Variants in APP observed in about 807,000 individuals in gnomAD.
APP encodes the protein amyloid-beta precursor protein.
In APP, 31 loss-of-function variants were observed where a neutral mutation model predicts 101.4. The observed-to-expected ratio is 0.31, with a 90% confidence interval of 0.23 to 0.41. APP has a LOEUF of 0.41. APP is among the 10% of genes least tolerant of loss of function. The pLI, the probability that APP is intolerant of heterozygous loss-of-function variation, is 1.00. For synonymous variants in APP, 366 were observed against 364.4 expected (o/e 1.00, Z -0.05); for missense variants, 839 against 1,003.7 (o/e 0.84, Z 2.22).
intron 1 of APP, among the ~76,000 whole-genome samples, chr21:26,151,104 A>C (rs920198930): frequency 6.6e-6 from 1 of 152,240 alleles, no homozygotes; most frequent in African/African-American, 2.4e-5. Context: ...GAAGATAAAT[A>C]CCGTCTCTTT....
At chr21:25,982,100 A>G (rs1417170808) in intron 9 of APP, among the ~76,000 whole-genome samples, 1 of 152,236 alleles carries the variant, frequency 6.6e-6, no homozygotes, top group Non-Finnish European at 1.5e-5. Context: ...GCCAGAGAGA[A>G]TGTTACAGAC....
rs558575215 is a variant in APP at position 25,997,081 on chromosome 21, A to G, written c.1090+279T>C. On this transcript the variant is annotated intron_variant, in intron 8 of 17. Transcript: ENST00000346798. Reference sequence around the variant, plus strand: ...AAATAGTAATGGCAAATACAATACAATGATGTTGTCCATATAATATTCAAT... The same window carrying G: ...AAATAGTAATGGCAAATACAATACAGTGATGTTGTCCATATAATATTCAAT... The G allele has an allele frequency of 2.1e-5, 10 of 478,964 alleles. No individual in the cohort carries two copies. The East Asian group carries it at 3.9e-4, about 19-fold the overall frequency. The allele number at this position is 478,964 out of a possible 1,614,324, so 29.7% of individuals were successfully genotyped here.
intron 3 of APP, among the ~76,000 whole-genome samples, chr21:26,073,495 G>GA (rs1317712478): frequency 6.6e-6 from 1 of 152,096 alleles, no homozygotes; most frequent in Non-Finnish European, 1.5e-5. Context: ...GGTGACTGTG[G>GA]AGGGAACTGG....
chr21:26,052,819 G>T (rs2045890117), intron 4 of APP, among the ~76,000 whole-genome samples: 1 of 152,088 alleles, frequency 6.6e-6, no homozygotes, highest in Non-Finnish European at 1.5e-5. Context: ...AAAACAACAG[G>T]TGCATAAAAA....
At chr21:26,042,644 G>A (rs764276850) in intron 5 of APP, among the ~76,000 whole-genome samples, 1 of 152,208 alleles carries the variant, frequency 6.6e-6, no homozygotes, top group South Asian at 2.1e-4. Context: ...GCTCATGCCT[G>A]TAATCTCAAC....
intron 6 of APP, among the ~76,000 whole-genome samples, chr21:26,005,306 C>T (rs975069792): frequency 1.3e-5 from 2 of 152,142 alleles, no homozygotes; most frequent in Admixed American, 1.3e-4. Context: ...CTCACCTACT[C>T]GCGAGGCCGA....
intron 1 of APP, among the ~76,000 whole-genome samples, chr21:26,127,491 T>C (rs947737221): frequency 2.0e-5 from 3 of 152,230 alleles, no homozygotes; most frequent in African/African-American, 7.2e-5. Context: ...AAAAAAATTA[T>C]TGCTAGAAAC....
At chr21:26,060,916 A>T (rs937555061) in intron 3 of APP, among the ~76,000 whole-genome samples, 2 of 152,224 alleles carry the variant, frequency 1.3e-5, no homozygotes, top group African/African-American at 4.8e-5. Flanking sequence ...GGACAGGGAC[A>T]GCTGACTGCA....
Position 26,170,751 on chromosome 21 carries a change from C to T in APP, c.-131G>A, listed in dbSNP as rs1238220293. 2 of 1,001,720 alleles carry T rather than the reference C, an allele frequency of 2.0e-6. No individual in the cohort carries two copies. Among genetic ancestry groups the T allele is most frequent in the Non-Finnish European group, 2.7e-6 (2 of 732,890 alleles). 62.1% of individuals were successfully genotyped at this position (1,001,720 alleles called of 1,614,324 possible). A position where few individuals can be genotyped will look rare whatever the true frequency, so the allele number is the denominator to read the frequency against. ...ACGCTCCTCCGCGTGCTCTCGCCTA[C>T]CGCTGCCGAGGAAACTGACGGAGCC... On this transcript the variant is annotated 5_prime_UTR_variant, in exon 1 of 18. Coordinates refer to ENST00000346798, the MANE Select transcript of APP (RefSeq NM_000484.4).
intron 2 of APP, among the ~76,000 whole-genome samples, chr21:26,098,883 C>G (rs1351801889): frequency 6.6e-6 from 1 of 152,138 alleles, no homozygotes; most frequent in East Asian, 1.9e-4. Context: ...TTACAGGTCA[C>G]TGAAAGAGAT....
chr21:26,032,139 T>C (rs1030044702), intron 5 of APP, among the ~76,000 whole-genome samples: 2 of 152,212 alleles, frequency 1.3e-5, no homozygotes, highest in Non-Finnish European at 2.9e-5. Flanking sequence ...AGACTTTTAG[T>C]TGATTTTCCA....
intron 13 of APP, among the ~76,000 whole-genome samples, chr21:25,936,615 C>T (rs1024685088): frequency 9.2e-5 from 14 of 152,324 alleles, no homozygotes; most frequent in Non-Finnish European, 1.3e-4. Context: ...GGACATGATG[C>T]GTAGGTGGCC....
chr21:26,168,408 T>C (rs767717866), intron 1 of APP, among the ~76,000 whole-genome samples: 2 of 152,146 alleles, frequency 1.3e-5, no homozygotes, highest in African/African-American at 4.8e-5. Flanking sequence ...CTACCAACAC[T>C]TCGCAAAATG....
intron 13 of APP, among the ~76,000 whole-genome samples, chr21:25,923,549 C>A (rs922923899): frequency 1.6e-5 from 2 of 126,822 alleles, no homozygotes; most frequent in African/African-American, 6.3e-5. Context: ...AAACAAACAA[C>A]CCCATCAAAA....
intron 17 of APP, among the ~76,000 whole-genome samples, chr21:25,890,077 T>C (rs1335530500): frequency 6.6e-6 from 1 of 152,204 alleles, no homozygotes. Context: ...TTAGATACTA[T>C]CACAAAAGGT....
At chr21:26,158,122 C>T (rs538866466) in intron 1 of APP, 3 of 152,358 alleles carry the variant, frequency 2.0e-5, no homozygotes, top group African/African-American at 4.8e-5. Context: ...GAATGCAAGT[C>T]TGAACCATCT....
chr21:25,925,690 T>C (rs1222014216), intron 13 of APP, among the ~76,000 whole-genome samples: 1 of 152,194 alleles, frequency 6.6e-6, no homozygotes, highest in East Asian at 1.9e-4. Context: ...ACCCCAGCAC[T>C]TTGGGAGGCC....
chr21:26,130,141 G>A (rs2062762640), intron 1 of APP, among the ~76,000 whole-genome samples: 1 of 152,156 alleles, frequency 6.6e-6, no homozygotes, highest in African/African-American at 2.4e-5. Context: ...AAAAAGAAAG[G>A]AATAGATGGT....
chr21:25,897,769 T>G (rs959245377), intron 15 of APP, 96 bp from the exon 16 acceptor site: 2 of 1,023,592 alleles, frequency 2.0e-6, no homozygotes, highest in African/African-American at 3.2e-5. Context: ...AACTTCTTTC[T>G]AGGCCTGAAG....
Sources: gnomAD v4.1 joint callset for allele counts (sites outside exome capture counted in the v4.1 genomes callset) on GRCh38, gnomAD v4.1.1 for gene constraint, MANE v1.5 for transcripts, NCBI Gene and HGNC (gene_info 2026-07-23, HGNC 2026-07-21) for gene names.